The following ZBTB16 variants were observed in gnomAD, a reference collection of about 807,000 sequenced individuals.
ZBTB16 encodes the protein zinc finger and BTB domain containing 16.
ZBTB16 carries 8 observed loss-of-function variants against 56.8 expected under a neutral mutation model. The observed-to-expected ratio is 0.14, with a 90% CI of 0.08 to 0.25. The LOEUF is 0.25. Ranked by LOEUF, ZBTB16 falls within the 10% of genes least tolerant of loss-of-function variation. The pLI is 1.00. For synonymous variants in ZBTB16, 363 were observed against 368.5 expected, an observed-to-expected ratio of 0.98 and a Z score of 0.17; for missense variants, 625 against 903.0, an observed-to-expected ratio of 0.69 and a Z score of 3.95.
chr11:114,118,792 T>C (rs1360912622), intron 2 of ZBTB16, among the ~76,000 whole-genome samples: 2 of 152,096 alleles, frequency 1.3e-5, no homozygotes, highest in East Asian at 3.9e-4. Flanking sequence ...GAGACAAATG[T>C]TTTTAATAAA....
At chr11:114,235,624 CCCTT>C (rs757566912) in intron 4 of ZBTB16, among the ~76,000 whole-genome samples, 28,379 of 124,712 alleles carry the variant, frequency 0.23, 4,127 homozygotes, top group East Asian at 0.26. Flanking sequence ...CTTTCCCTCT[CCCTT>C]CCTTTCTTTC....
chr11:114,181,250 C>A (rs1251370417), intron 3 of ZBTB16, among the ~76,000 whole-genome samples: 1 of 152,234 alleles, frequency 6.6e-6, no homozygotes, highest in Non-Finnish European at 1.5e-5. Context: ...CTTACTGGTT[C>A]TGTATATCTA....
At chr11:114,220,761 C>G (rs1944213398) in intron 4 of ZBTB16, among the ~76,000 whole-genome samples, 1 of 152,216 alleles carries the variant, frequency 6.6e-6, no homozygotes, top group African/African-American at 2.4e-5. Context: ...AATGTATCAG[C>G]TACTCCTCCC....
Position 114,256,481 on chromosome 11 carries a change from C to G in ZBTB16, c.*5926C>G, listed in dbSNP as rs1191460743. Reference sequence around the variant, plus strand: ...AGAACTCCATCCACCTCTCCTGATACCAGGCCAGGTTCCTTTACTCCAGAG... The same window carrying G: ...AGAACTCCATCCACCTCTCCTGATAGCAGGCCAGGTTCCTTTACTCCAGAG... On this transcript the variant is annotated 3_prime_UTR_variant, in exon 7 of 7. Coordinates refer to ENST00000335953, the MANE Select transcript of ZBTB16 (RefSeq NM_006006.6). Among the ~76,000 whole-genome samples the G allele has an allele frequency of 6.6e-6, 1 of 152,200 alleles. No individual in the cohort carries two copies. The highest frequency in any genetic ancestry group is 2.4e-5 in the African/African-American group (1 of 41,442).
intron 3 of ZBTB16, among the ~76,000 whole-genome samples, chr11:114,183,976 C>T (rs532099303): frequency 6.6e-6 from 1 of 152,228 alleles, no homozygotes; most frequent in African/African-American, 2.4e-5. Flanking sequence ...TGCCCTGTGG[C>T]GTGAAGGGAC....
chr11:114,216,926 G>A (rs1327339258), intron 4 of ZBTB16, among the ~76,000 whole-genome samples: 2 of 110,738 alleles, frequency 1.8e-5, no homozygotes, highest in African/African-American at 6.8e-5. Context: ...AGAATGCTGA[G>A]TGCAGCGATA....
At chr11:114,166,762 T>G (rs995568647) in intron 3 of ZBTB16, among the ~76,000 whole-genome samples, 1 of 152,180 alleles carries the variant, frequency 6.6e-6, no homozygotes, top group Non-Finnish European at 1.5e-5. Flanking sequence ...TTTTGTGTGA[T>G]GGATGTGAAC....
rs557194462 is a variant in ZBTB16 at position 114,256,637 on chromosome 11, G to A, written c.*6082G>A. Among the ~76,000 whole-genome samples the A allele has an allele frequency of 3.9e-5, 6 of 152,078 alleles. No individual in the cohort carries two copies. The highest frequency in any genetic ancestry group is 1.3e-4 in the Admixed American group (2 of 15,294). ...CACACAATCAAAGGTCCCTGCCTGC[G>A]TCTGTAGCAGCCAAGAGCTGTTAAG... On this transcript the variant is annotated 3_prime_UTR_variant, in exon 7 of 7. Transcript: ENST00000335953.
chr11:114,123,790 T>G (rs917650887), intron 2 of ZBTB16, among the ~76,000 whole-genome samples: 1 of 152,254 alleles, frequency 6.6e-6, no homozygotes, highest in Middle Eastern at 3.4e-3. Context: ...ACAGTGGCCT[T>G]AAAATAGGGT....
intron 2 of ZBTB16, among the ~76,000 whole-genome samples, chr11:114,082,829 G>A (rs760013505): frequency 2.6e-5 from 4 of 152,116 alleles, no homozygotes; most frequent in Admixed American, 6.5e-5. Context: ...CTGCCGGACT[G>A]TTACCCGTCT....
At chr11:114,159,926 G>C (rs1397231006) in intron 3 of ZBTB16, among the ~76,000 whole-genome samples, 1 of 141,482 alleles carries the variant, frequency 7.1e-6, no homozygotes, top group Non-Finnish European at 1.5e-5. Context: ...CAGAACCCTG[G>C]GCGGGGGAGG....
intron 4 of ZBTB16, among the ~76,000 whole-genome samples, chr11:114,199,198 G>A (rs1424437173): frequency 2.8e-4 from 43 of 151,376 alleles, no homozygotes; most frequent in African/African-American, 1.0e-3. Context: ...CATGGATGCC[G>A]GGCCCCGGGA....
chr11:114,072,078 T>G (rs1939366863), intron 2 of ZBTB16, among the ~76,000 whole-genome samples: 1 of 152,244 alleles, frequency 6.6e-6, no homozygotes. Context: ...GCTAGGGTAT[T>G]TTTCTTGTCA....
intron 2 of ZBTB16, among the ~76,000 whole-genome samples, chr11:114,085,731 G>A (rs995840888): frequency 3.3e-5 from 5 of 152,246 alleles, no homozygotes; most frequent in African/African-American, 1.2e-4. Flanking sequence ...GTGTGGCAGT[G>A]TATGGGTGGG....
intron 4 of ZBTB16, among the ~76,000 whole-genome samples, chr11:114,205,131 C>T (rs1417440002): frequency 2.6e-5 from 4 of 152,036 alleles, no homozygotes; most frequent in African/African-American, 9.7e-5. Flanking sequence ...AAATTTCGGC[C>T]GGGCGCGGTG....
intron 4 of ZBTB16, among the ~76,000 whole-genome samples, chr11:114,222,515 G>A (rs996404416): frequency 6.6e-6 from 1 of 152,064 alleles, no homozygotes; most frequent in South Asian, 2.1e-4. Flanking sequence ...CCGGGAGCTG[G>A]TAAATCCCTG....
At chr11:114,208,490 A>G (rs1167300171) in intron 4 of ZBTB16, among the ~76,000 whole-genome samples, 1 of 152,138 alleles carries the variant, frequency 6.6e-6, no homozygotes, top group Non-Finnish European at 1.5e-5. Context: ...ATGGTCTTAG[A>G]ACAGGGTAGG....
At chr11:114,069,350 G>A (rs548330057) in intron 2 of ZBTB16, among the ~76,000 whole-genome samples, 2 of 152,352 alleles carry the variant, frequency 1.3e-5, no homozygotes, top group African/African-American at 4.8e-5. Flanking sequence ...CTCCCAAAGT[G>A]CTGGGATTAC....
At chr11:114,127,597 G>C (rs1039419977) in intron 2 of ZBTB16, among the ~76,000 whole-genome samples, 3 of 152,192 alleles carry the variant, frequency 2.0e-5, no homozygotes, top group African/African-American at 7.2e-5. Context: ...TGGATGGGTA[G>C]GAGGCAGTGC....
Sources: allele counts gnomAD v4.1 joint callset (sites outside exome capture counted in the v4.1 genomes callset), GRCh38; gene constraint gnomAD v4.1.1; transcripts MANE v1.5; gene names NCBI Gene and HGNC (gene_info 2026-07-23, HGNC 2026-07-21).